MARCHF1: variants seen among roughly 807,000 people sequenced by gnomAD.
The protein encoded by MARCHF1 is membrane associated ring-CH-type finger 1.
A neutral mutation model predicts 54.2 loss-of-function variants in MARCHF1; 40 were observed. That is an observed-to-expected ratio of 0.74 (90% confidence interval 0.57 to 0.96). The LOEUF is 0.96. Ranked by LOEUF, MARCHF1 falls within the 40% of genes least tolerant of loss-of-function variation. The probability of loss-of-function intolerance (pLI) is 0.00; values close to 1 mark genes in which losing one functional copy is unlikely to be tolerated. For synonymous variants in MARCHF1, 236 were observed against 236.3 expected (o/e 1.00, Z 0.01); for missense variants, 586 against 656.5 (o/e 0.89, Z 1.17).
At chr4:163,946,849 A>G (rs573683329) in intron 3 of MARCHF1, among the ~76,000 whole-genome samples, 4 of 152,364 alleles carry the variant, frequency 2.6e-5, no homozygotes, top group African/African-American at 9.6e-5. Context: ...TGCATTATTT[A>G]TAAAAATGCA....
intron 5 of MARCHF1, among the ~76,000 whole-genome samples, chr4:163,633,685 C>T (rs1485849390): frequency 6.6e-6 from 1 of 152,122 alleles, no homozygotes; most frequent in Non-Finnish European, 1.5e-5. Context: ...GGATATTATC[C>T]AGGAGAACTT....
At chr4:164,076,954 C>T (rs1419130431) in intron 2 of MARCHF1, among the ~76,000 whole-genome samples, 6 of 152,102 alleles carry the variant, frequency 3.9e-5, no homozygotes, top group Non-Finnish European at 8.8e-5. Context: ...GGCCATACAG[C>T]CCAAATTAAT....
At chr4:163,986,080 T>C (rs1013007454) in intron 3 of MARCHF1, among the ~76,000 whole-genome samples, 30 of 151,990 alleles carry the variant, frequency 2.0e-4, no homozygotes, top group Middle Eastern at 3.4e-3. Context: ...TTGACTAATA[T>C]GTTTTAAACA....
At chr4:163,524,435 T>C (rs965203610), downstream of MARCHF1, 1 of 152,238 alleles carries the variant, frequency 6.6e-6, no homozygotes, top group African/African-American at 2.4e-5. Context: ...TATTTTTCTA[T>C]ATCCAAGACT....
chr4:163,658,671 T>C lies in MARCHF1; in HGVS notation c.162+42142A>G, dbSNP rs548633395. ...TGGATGGAGCTGGAAGTCATTACCC[T>C]CAGCAAACTCATGTAGGAAGAGAAA... On this transcript the variant is annotated intron_variant, in intron 5 of 9. Transcript: ENST00000514618. 2.0e-5 allele frequency among the ~76,000 whole-genome samples: 3 copies of C among 152,158 alleles called. No homozygotes were observed. In the South Asian group the frequency reaches 6.2e-4, roughly 32 times the overall value.
At chr4:164,174,063 A>G (rs560692871) in intron 1 of MARCHF1, among the ~76,000 whole-genome samples, 2 of 152,324 alleles carry the variant, frequency 1.3e-5, no homozygotes, top group Admixed American at 1.3e-4. Context: ...CCATTAGAAA[A>G]CACTAGTCAA....
chr4:163,613,440 A>T lies in MARCHF1; in HGVS notation c.163-47T>A, dbSNP rs1741415649. On this transcript the variant is annotated intron_variant, in intron 5 of 9. Transcript: ENST00000514618. Reference sequence around the variant, plus strand: ...TTTGGCATCTTGGTTAAGGTAATACATGGTTGATATCTTGCTTTTTTTCCA... The same window carrying T: ...TTTGGCATCTTGGTTAAGGTAATACTTGGTTGATATCTTGCTTTTTTTCCA... 1.9e-6 allele frequency: 3 copies of T among 1,613,034 alleles called. No individual in the cohort carries two copies. The South Asian group carries it at 3.3e-5, about 18-fold the overall frequency.
chr4:164,224,039 C>T (rs566605998), intron 1 of MARCHF1, among the ~76,000 whole-genome samples: 2 of 150,424 alleles, frequency 1.3e-5, no homozygotes, highest in South Asian at 4.2e-4. Context: ...TTCTCTTTTA[C>T]AGCATCTTTC....
At chr4:163,672,516 A>G (rs1743772858) in intron 5 of MARCHF1, among the ~76,000 whole-genome samples, 1 of 152,216 alleles carries the variant, frequency 6.6e-6, no homozygotes, top group Non-Finnish European at 1.5e-5. Context: ...ACTTAATAAA[A>G]TAGTATAGCT....
intron 2 of MARCHF1, among the ~76,000 whole-genome samples, chr4:164,064,661 C>G (rs1754689683): frequency 6.6e-6 from 1 of 152,154 alleles, no homozygotes; most frequent in Admixed American, 6.5e-5. Flanking sequence ...CCTGATCGCC[C>G]TGGCCAGAAC....
chr4:163,902,927 C>T (rs1277977260), intron 3 of MARCHF1, among the ~76,000 whole-genome samples: 1 of 152,108 alleles, frequency 6.6e-6, no homozygotes, highest in African/African-American at 2.4e-5. Context: ...CCAGTGTCTG[C>T]CCCTTTCCCT....
intron 5 of MARCHF1, among the ~76,000 whole-genome samples, chr4:163,666,138 T>C (rs531807507): frequency 1.8e-4 from 28 of 152,282 alleles, no homozygotes; most frequent in African/African-American, 4.8e-4. Context: ...TCATTGCTTC[T>C]GTCTAGTTTT....
intron 3 of MARCHF1, among the ~76,000 whole-genome samples, chr4:163,888,192 A>T (rs939424339): frequency 6.6e-6 from 1 of 152,206 alleles, no homozygotes; most frequent in South Asian, 2.1e-4. Context: ...ATAATAATTT[A>T]AAAAATTATC....
intron 3 of MARCHF1, among the ~76,000 whole-genome samples, chr4:163,986,961 T>G (rs931369677): frequency 6.6e-6 from 1 of 152,210 alleles, no homozygotes; most frequent in African/African-American, 2.4e-5. Context: ...CCACCCAATA[T>G]GTTCACATAA....
chr4:163,808,943 G>A (rs991774372), intron 4 of MARCHF1, among the ~76,000 whole-genome samples: 1 of 152,150 alleles, frequency 6.6e-6, no homozygotes, highest in Non-Finnish European at 1.5e-5. Context: ...TGTCAGACGA[G>A]ACTGTCTCGT....
At chr4:164,161,034 C>A (rs1730219805) in intron 1 of MARCHF1, among the ~76,000 whole-genome samples, 1 of 152,112 alleles carries the variant, frequency 6.6e-6, no homozygotes, top group Non-Finnish European at 1.5e-5. Flanking sequence ...TTAACCGAAA[C>A]CACTTACCAA....
chr4:163,739,020 C>A (rs1746123769), intron 4 of MARCHF1, among the ~76,000 whole-genome samples: 1 of 152,124 alleles, frequency 6.6e-6, no homozygotes, highest in African/African-American at 2.4e-5. Flanking sequence ...AAGTTCTCTT[C>A]AAAAGTTAGT....
intron 2 of MARCHF1, among the ~76,000 whole-genome samples, chr4:164,040,142 C>A (rs946606108): frequency 7.0e-6 from 1 of 142,248 alleles, no homozygotes; most frequent in Non-Finnish European, 1.5e-5. Flanking sequence ...TATTTTATAT[C>A]CATAATTTTA....
chr4:163,889,919 C>CTTTTTTTT (rs146357456), intron 3 of MARCHF1, among the ~76,000 whole-genome samples: 9 of 117,236 alleles, frequency 7.7e-5, no homozygotes, highest in East Asian at 3.8e-4. Context: ...TATTTATTTT[C>CTTTTTTTT]TTTTTTCTTT....
Sources: allele counts gnomAD v4.1 joint callset (sites outside exome capture counted in the v4.1 genomes callset), GRCh38; gene constraint gnomAD v4.1.1; transcripts MANE v1.5; gene names NCBI Gene and HGNC (gene_info 2026-07-23, HGNC 2026-07-21).